The following RHOJ variants were observed in gnomAD, a reference collection of about 807,000 sequenced individuals.
RHOJ encodes the protein ras homolog family member J.
In RHOJ, 11 loss-of-function variants were observed where a neutral mutation model predicts 23.4. That is an observed-to-expected ratio of 0.47 (90% CI 0.30 to 0.78). The LOEUF (loss-of-function observed/expected upper bound fraction) is 0.78. Ranked by LOEUF, RHOJ falls within the 30% of genes least tolerant of loss-of-function variation. RHOJ has a pLI of 0.08. For synonymous variants in RHOJ, 102 were observed against 102.7 expected, an observed-to-expected ratio of 0.99 and a Z score of 0.04; for missense variants, 254 against 273.4, an observed-to-expected ratio of 0.93 and a Z score of 0.50.
intron 1 of RHOJ, among the ~76,000 whole-genome samples, chr14:63,213,569 G>A (rs1246514641): frequency 8.6e-5 from 13 of 152,042 alleles, no homozygotes; most frequent in Admixed American, 8.5e-4. Flanking sequence ...CCATGTCTTT[G>A]CCATTGTGAA....
intron 1 of RHOJ, among the ~76,000 whole-genome samples, chr14:63,220,829 A>G (rs1020426911): frequency 2.0e-5 from 3 of 152,238 alleles, no homozygotes; most frequent in African/African-American, 7.2e-5. Flanking sequence ...TTGACTTCCC[A>G]AACTCCTTCC....
At chr14:63,257,236 C>CA (rs11463617) in intron 1 of RHOJ, among the ~76,000 whole-genome samples, 4,102 of 48,614 alleles carry the variant, frequency 0.084, 434 homozygotes, top group African/African-American at 0.27. Context: ...AGACTGTCTC[C>CA]AAAAAAAAAA....
At position 63,292,963 on chromosome 14, in the gene RHOJ, A is replaced by C. The variant is rs913537932; in HGVS notation, c.*1939A>C. On this transcript the variant is annotated 3_prime_UTR_variant, in exon 5 of 5. Coordinates refer to ENST00000316754, the MANE Select transcript of RHOJ (RefSeq NM_020663.5). The stretch of plus-strand genomic sequence containing the variant: ...AGAACCTGTCAAAAAAAAAAAAAAA[A>C]CAACCTACATTTCAAGTACTATTTC... The C allele has an allele frequency of 2.0e-5, 3 of 151,692 alleles. No individual in the cohort carries two copies. Among genetic ancestry groups the C allele is most frequent in the Non-Finnish European group, 2.9e-5 (2 of 68,010 alleles). 9.4% of individuals were successfully genotyped at this position (151,692 alleles called of 1,614,324 possible). A position where few individuals can be genotyped will look rare whatever the true frequency, so the allele number is the denominator to read the frequency against.
chr14:63,249,848 G>A (rs554942383), intron 1 of RHOJ, among the ~76,000 whole-genome samples: 1 of 152,292 alleles, frequency 6.6e-6, no homozygotes, highest in South Asian at 2.1e-4. Context: ...TTGGTCCAGG[G>A]TGCAACCAAG....
At chr14:63,218,588 A>G (rs1049493175) in intron 1 of RHOJ, among the ~76,000 whole-genome samples, 3 of 152,172 alleles carry the variant, frequency 2.0e-5, no homozygotes, top group African/African-American at 4.8e-5. Flanking sequence ...TTCCCGTCCT[A>G]TCAGTTAACA....
At chr14:63,205,378 G>A (rs2139722196) in intron 1 of RHOJ, among the ~76,000 whole-genome samples, 1 of 152,184 alleles carries the variant, frequency 6.6e-6, no homozygotes, top group Admixed American at 6.5e-5. Flanking sequence ...TAAATGCAGT[G>A]GAATTGCATC....
chr14:63,232,963 T>C (rs1894724552), intron 1 of RHOJ, among the ~76,000 whole-genome samples: 1 of 152,106 alleles, frequency 6.6e-6, no homozygotes, highest in African/African-American at 2.4e-5. Flanking sequence ...CCCAAAGTGC[T>C]GAAATTACAG....
chr14:63,232,827 G>T (rs1894720887), intron 1 of RHOJ, among the ~76,000 whole-genome samples: 1 of 150,884 alleles, frequency 6.6e-6, no homozygotes, highest in African/African-American at 2.4e-5. Context: ...CTCCCAAGTA[G>T]CTGGGACCAT....
chr14:63,204,964 T>TG lies in RHOJ; in HGVS notation c.99dup (p.Lys34GlufsTer23), dbSNP rs775766401. On this transcript the variant is annotated frameshift_variant, in exon 1 of 5. Transcript: ENST00000316754. LOFTEE classifies it high-confidence loss of function. The stretch of plus-strand genomic sequence containing the variant: ...TGTGTGGTGGTGGGGGACGGTGCCG[T>TG]GGGGAAAACCTGCCTGCTGATGAGC... 2.2e-5 allele frequency: 36 copies of TG among 1,613,966 alleles called. No individual in the cohort carries two copies. The highest frequency in any genetic ancestry group is 1.1e-5 in the South Asian group (1 of 91,076).
At chr14:63,258,431 ACC>A (rs1895217801) in intron 1 of RHOJ, among the ~76,000 whole-genome samples, 1 of 144,364 alleles carries the variant, frequency 6.9e-6, no homozygotes, top group Admixed American at 6.7e-5. Context: ...TTAGCAAATA[ACC>A]CCTTGAACTG....
At chr14:63,269,020 G>A (rs1895416710) in intron 1 of RHOJ, 90 bp from the exon 2 acceptor site, 2 of 861,418 alleles carry the variant, frequency 2.3e-6, no homozygotes, top group Non-Finnish European at 3.9e-6. Context: ...GCTGCCCAAG[G>A]AGATGCTGGC....
At chr14:63,277,445 G>T (rs903253085) in intron 2 of RHOJ, among the ~76,000 whole-genome samples, 1 of 152,148 alleles carries the variant, frequency 6.6e-6, no homozygotes, top group Non-Finnish European at 1.5e-5. Flanking sequence ...CCACTCTCCA[G>T]AGATTCTAAT....
At chr14:63,268,406 T>G (rs1435037075) in intron 1 of RHOJ, among the ~76,000 whole-genome samples, 2 of 152,180 alleles carry the variant, frequency 1.3e-5, no homozygotes, top group Non-Finnish European at 2.9e-5. Context: ...AGTAAGCTAC[T>G]GAGTTAAGTC....
At chr14:63,272,675 A>G (rs1345691602) in intron 2 of RHOJ, among the ~76,000 whole-genome samples, 2 of 152,182 alleles carry the variant, frequency 1.3e-5, no homozygotes, top group African/African-American at 4.8e-5. Flanking sequence ...CAGCCCCATG[A>G]GCCATGGCCT....
chr14:63,249,187 A>G (rs1416261204), intron 1 of RHOJ, among the ~76,000 whole-genome samples: 1 of 152,236 alleles, frequency 6.6e-6, no homozygotes, highest in Non-Finnish European at 1.5e-5. Context: ...ATGTCCACTG[A>G]AGTCCCTGTC....
At chr14:63,285,818 CTAAGATTG>C (rs902262890) in intron 4 of RHOJ, among the ~76,000 whole-genome samples, 6 of 152,194 alleles carry the variant, frequency 3.9e-5, no homozygotes, top group Admixed American at 3.9e-4. Context: ...CTGTTTAGCT[CTAAGATTG>C]TAATTCTTTG....
intron 2 of RHOJ, among the ~76,000 whole-genome samples, chr14:63,273,243 G>T (rs749543389): frequency 1.3e-5 from 2 of 152,180 alleles, no homozygotes; most frequent in Non-Finnish European, 2.9e-5. Flanking sequence ...ATTTTTCTCA[G>T]GGTGAGTGCA....
chr14:63,250,476 C>T (rs1016094289), intron 1 of RHOJ, among the ~76,000 whole-genome samples: 2 of 152,062 alleles, frequency 1.3e-5, no homozygotes, highest in Non-Finnish European at 2.9e-5. Context: ...TAGGCTCAAG[C>T]GATCTGCCCA....
intron 1 of RHOJ, among the ~76,000 whole-genome samples, chr14:63,237,049 T>G (rs1475439220): frequency 1.3e-5 from 2 of 152,152 alleles, no homozygotes; most frequent in Admixed American, 1.3e-4. Context: ...AATTGTCCCT[T>G]TTTTTCCTGA....
Sources: gnomAD v4.1 joint callset for allele counts (sites outside exome capture counted in the v4.1 genomes callset) on GRCh38, gnomAD v4.1.1 for gene constraint, MANE v1.5 for transcripts, NCBI Gene and HGNC (gene_info 2026-07-23, HGNC 2026-07-21) for gene names.